EHD4: variants seen among roughly 807,000 people sequenced by gnomAD.
The protein encoded by EHD4 is EH domain-containing protein 4.
In EHD4, 37 loss-of-function variants were observed where a neutral mutation model predicts 51.0. The observed-to-expected ratio is 0.73, with a 90% CI of 0.56 to 0.95. The LOEUF is 0.95. EHD4 is among the 40% of genes least tolerant of loss of function. The pLI, the probability that EHD4 is intolerant of heterozygous loss-of-function variation, is 0.00. For synonymous variants in EHD4, 297 were observed against 317.3 expected (o/e 0.94, Z 0.68); for missense variants, 632 against 733.1 (o/e 0.86, Z 1.59).
intron 2 of EHD4, among the ~76,000 whole-genome samples, chr15:41,952,553 T>A (rs1255233934): frequency 6.6e-6 from 1 of 151,950 alleles, no homozygotes; most frequent in African/African-American, 2.4e-5. Flanking sequence ...TAGCCAGGGG[T>A]ACCAGCTGGC....
intron 1 of EHD4, among the ~76,000 whole-genome samples, chr15:41,963,182 G>A (rs1566828014): frequency 1.3e-5 from 2 of 151,746 alleles, no homozygotes; most frequent in Admixed American, 6.6e-5. Flanking sequence ...CTCTGCCTAG[G>A]AAAACCAGAG....
chr15:41,913,732 ACT>A (rs2067564820), intron 4 of EHD4, among the ~76,000 whole-genome samples: 2 of 151,792 alleles, frequency 1.3e-5, no homozygotes, highest in African/African-American at 4.8e-5. Context: ...TAATTAATAA[ACT>A]CTCTCTATTT....
At chr15:41,915,884 TAC>T (rs2067580745) in intron 4 of EHD4, among the ~76,000 whole-genome samples, 1 of 152,084 alleles carries the variant, frequency 6.6e-6, no homozygotes, top group African/African-American at 2.4e-5. Context: ...GTTCCTTAAA[TAC>T]AGAGATGTGA....
intron 5 of EHD4, among the ~76,000 whole-genome samples, chr15:41,904,066 T>C (rs1308409985): frequency 6.6e-6 from 1 of 152,198 alleles, no homozygotes; most frequent in African/African-American, 2.4e-5. Context: ...ATCCCAGTGC[T>C]GCTGGGTCAA....
intron 5 of EHD4, among the ~76,000 whole-genome samples, chr15:41,904,209 C>A (rs188141114): frequency 1.3e-5 from 2 of 152,224 alleles, no homozygotes; most frequent in Non-Finnish European, 2.9e-5. Context: ...AAACTTCCCA[C>A]CAGCCTGCAG....
intron 2 of EHD4, among the ~76,000 whole-genome samples, chr15:41,944,268 C>G (rs1376001513): frequency 6.6e-6 from 1 of 152,204 alleles, no homozygotes; most frequent in Non-Finnish European, 1.5e-5. Flanking sequence ...AAAGTGATGG[C>G]AGGAAGTGCT....
At chr15:41,927,975 G>C (rs72625199) in intron 3 of EHD4, among the ~76,000 whole-genome samples, 3 of 152,228 alleles carry the variant, frequency 2.0e-5, no homozygotes, top group African/African-American at 7.2e-5. Context: ...TCTAAAAAAG[G>C]GTTGTTACTA....
intron 2 of EHD4, among the ~76,000 whole-genome samples, chr15:41,949,051 T>TATATATACACACAC (rs1491135423): frequency 9.1e-6 from 1 of 109,434 alleles, no homozygotes; most frequent in Non-Finnish European, 1.8e-5. Flanking sequence ...TATATATATA[T>TATATATACACACAC]ACACACATAC....
At chr15:41,907,657 C>A (rs1021949380) in intron 5 of EHD4, among the ~76,000 whole-genome samples, 13 of 151,932 alleles carry the variant, frequency 8.6e-5, no homozygotes, top group South Asian at 2.1e-4. Flanking sequence ...GTAGCTGGAA[C>A]TACAGACATG....
At position 41,935,599 on chromosome 15, in the gene EHD4, C is replaced by T. The variant is rs75628437; in HGVS notation, c.511+7468G>A. Among the ~76,000 whole-genome samples, 241 of 152,230 alleles carry T rather than the reference C, an allele frequency of 1.6e-3. 6 individuals carry two copies. In the East Asian group the frequency reaches 0.043, roughly 27 times the overall value. On this transcript the variant is annotated intron_variant, in intron 3 of 5. Transcript: ENST00000220325. ...TTACATTTTCTCATGGGGTTTGCTGCCTTCTCCGTGTGTGTGACTGGCAGC... is the reference window on the plus strand; with the variant it reads ...TTACATTTTCTCATGGGGTTTGCTGTCTTCTCCGTGTGTGTGACTGGCAGC...
intron 2 of EHD4, among the ~76,000 whole-genome samples, chr15:41,948,127 A>G (rs1324084208): frequency 1.3e-5 from 2 of 152,066 alleles, no homozygotes; most frequent in Non-Finnish European, 2.9e-5. Flanking sequence ...GGTGGTGAGC[A>G]CCTGTAATCA....
chr15:41,944,064 A>C (rs1205892627), intron 2 of EHD4, among the ~76,000 whole-genome samples: 1 of 152,178 alleles, frequency 6.6e-6, no homozygotes, highest in Non-Finnish European at 1.5e-5. Context: ...CCACGGAAGC[A>C]GAGTGCGGAG....
At chr15:41,934,101 C>G (rs74438716) in intron 3 of EHD4, among the ~76,000 whole-genome samples, 1,645 of 152,210 alleles carry the variant, frequency 0.011, 31 homozygotes, top group African/African-American at 0.037. Flanking sequence ...TACAGAGATG[C>G]AGGACAAAGC....
At chr15:41,936,664 AAC>A (rs1422864561) in intron 3 of EHD4, among the ~76,000 whole-genome samples, 1 of 152,232 alleles carries the variant, frequency 6.6e-6, no homozygotes, top group African/African-American at 2.4e-5. Flanking sequence ...TTTAGATAAA[AAC>A]AGTCATTTCT....
chr15:41,972,190 G>T (rs919441324), intron 1 of EHD4, 69 bp downstream of exon 1: 15 of 1,271,712 alleles, frequency 1.2e-5, no homozygotes, highest in African/African-American at 3.1e-5. Flanking sequence ...GGCGGGAGGC[G>T]GCCGACTGCG....
intron 5 of EHD4, among the ~76,000 whole-genome samples, chr15:41,902,542 C>T (rs2067484118): frequency 6.6e-6 from 1 of 152,002 alleles, no homozygotes; most frequent in Non-Finnish European, 1.5e-5. Context: ...TAAAAAAGGA[C>T]TTGACATAAC....
intron 3 of EHD4, among the ~76,000 whole-genome samples, chr15:41,930,713 T>G (rs2067692448): frequency 6.6e-6 from 1 of 152,166 alleles, no homozygotes. Context: ...AGTTATCAGC[T>G]AACCAGCTCC....
rs200815438 is a variant in EHD4 at position 41,947,408 on chromosome 15, T to C, written c.414-4244A>G. 2.0e-5 allele frequency among the ~76,000 whole-genome samples: 3 copies of C among 152,100 alleles called. No homozygotes were observed. In the East Asian group the frequency reaches 5.8e-4, roughly 29 times the overall value. ...TTGACCTTGCACAGGTCTCTAAACC[T>C]CTCTGAGCAATTCTACCAGGCCTGC... On this transcript the variant is annotated intron_variant, in intron 2 of 5. Transcript: ENST00000220325.
intron 4 of EHD4, among the ~76,000 whole-genome samples, chr15:41,910,131 T>C (rs1672801362): frequency 7.0e-6 from 1 of 142,496 alleles, no homozygotes; most frequent in Non-Finnish European, 1.5e-5. Flanking sequence ...GTGGTATGGG[T>C]GGGGCCTGGG....
Sources: allele counts gnomAD v4.1 joint callset (sites outside exome capture counted in the v4.1 genomes callset), GRCh38; gene constraint gnomAD v4.1.1; transcripts MANE v1.5; gene names NCBI Gene and HGNC (gene_info 2026-07-23, HGNC 2026-07-21).